The following KCNH5 variants were observed in gnomAD, a reference collection of about 807,000 sequenced individuals.
The protein encoded by KCNH5 is potassium voltage-gated channel subfamily H member 5.
Under a neutral mutation model 96.1 loss-of-function variants are expected in KCNH5, and 46 were observed. The observed-to-expected ratio is 0.48, with a 90% CI of 0.38 to 0.61. The LOEUF (loss-of-function observed/expected upper bound fraction) is 0.61. Ranked by LOEUF, KCNH5 falls within the 20% of genes least tolerant of loss-of-function variation. The pLI is 0.00. For synonymous variants in KCNH5, 439 were observed against 449.8 expected, an observed-to-expected ratio of 0.98 and a Z score of 0.30; for missense variants, 907 against 1,225.8, an observed-to-expected ratio of 0.74 and a Z score of 3.88.
intron 7 of KCNH5, among the ~76,000 whole-genome samples, chr14:62,865,454 T>C (rs1888116590): frequency 6.6e-6 from 1 of 150,618 alleles, no homozygotes; most frequent in South Asian, 2.1e-4. Flanking sequence ...AGGAAAGAAA[T>C]GAAGATAATC....
chr14:62,746,862 AG>A (rs1253781507), intron 10 of KCNH5, among the ~76,000 whole-genome samples: 1 of 152,252 alleles, frequency 6.6e-6, no homozygotes, highest in Non-Finnish European at 1.5e-5. Context: ...TTCCCCTATC[AG>A]TGGCCTCTCT....
rs1009134563 is a variant in KCNH5 at position 62,796,270 on chromosome 14, C to T, written c.1822+6059G>A. Among the ~76,000 whole-genome samples, 3 of 152,084 alleles carry T rather than the reference C, an allele frequency of 2.0e-5. No homozygotes were observed. The East Asian group carries it at 5.8e-4, about 29-fold the overall frequency. On this transcript the variant is annotated intron_variant, in intron 9 of 10. Transcript: ENST00000322893. ...CAAGTGATTTGCCCACCTCGGCCTC[C>T]CAAAGTGCTAGGATTACAGGCATGA...
chr14:62,892,252 G>A (rs1039102704), intron 7 of KCNH5, among the ~76,000 whole-genome samples: 7 of 152,136 alleles, frequency 4.6e-5, no homozygotes, highest in Non-Finnish European at 7.4e-5. Flanking sequence ...CAGCTTTATC[G>A]CTGCTATAAA....
chr14:63,021,972 T>C (rs1036581159), intron 1 of KCNH5, among the ~76,000 whole-genome samples: 1 of 152,172 alleles, frequency 6.6e-6, no homozygotes, highest in Non-Finnish European at 1.5e-5. Flanking sequence ...TTTACTCTTA[T>C]ATGCTTATCT....
chr14:62,756,781 C>T (rs1409805396), intron 10 of KCNH5, among the ~76,000 whole-genome samples: 3 of 152,176 alleles, frequency 2.0e-5, no homozygotes, highest in African/African-American at 4.8e-5. Flanking sequence ...CTATCTTTCA[C>T]CATATCTAAA....
chr14:62,920,175 G>A (rs557007277), intron 7 of KCNH5, among the ~76,000 whole-genome samples: 2 of 152,150 alleles, frequency 1.3e-5, no homozygotes, highest in African/African-American at 2.4e-5. Context: ...GGGGCAAATG[G>A]TACAGGGAAG....
At chr14:62,873,537 C>G (rs368410731) in intron 7 of KCNH5, among the ~76,000 whole-genome samples, 13 of 152,252 alleles carry the variant, frequency 8.5e-5, no homozygotes, top group African/African-American at 2.9e-4. Flanking sequence ...GTCCTACTGG[C>G]TAGATCACAG....
chr14:62,974,230 A>G (rs560726358), intron 6 of KCNH5, among the ~76,000 whole-genome samples: 1 of 152,270 alleles, frequency 6.6e-6, no homozygotes, highest in Non-Finnish European at 1.5e-5. Context: ...ATCACTTATT[A>G]AGACTACTCA....
intron 10 of KCNH5, among the ~76,000 whole-genome samples, chr14:62,723,519 A>G (rs1327231496): frequency 6.6e-6 from 1 of 152,198 alleles, no homozygotes; most frequent in Non-Finnish European, 1.5e-5. Context: ...AGAGAGTCAA[A>G]GTGATTAGCC....
chr14:62,929,122 A>G (rs1420789577), intron 7 of KCNH5, among the ~76,000 whole-genome samples: 3 of 151,980 alleles, frequency 2.0e-5, no homozygotes, highest in Non-Finnish European at 2.9e-5. Context: ...TGTTTTCCCC[A>G]AATTATTTCC....
chr14:62,990,817 C>G (rs1890795091), intron 4 of KCNH5, among the ~76,000 whole-genome samples: 1 of 152,012 alleles, frequency 6.6e-6, no homozygotes, highest in Non-Finnish European at 1.5e-5. Context: ...GCTGGAGAGG[C>G]CTTGGGAAAG....
chr14:62,829,895 T>C (rs1192729800), intron 8 of KCNH5, among the ~76,000 whole-genome samples: 1 of 152,338 alleles, frequency 6.6e-6, no homozygotes, highest in East Asian at 1.9e-4. Flanking sequence ...TCTGCTTCAC[T>C]TTTAAACATA....
intron 7 of KCNH5, among the ~76,000 whole-genome samples, chr14:62,894,823 C>T (rs575506855): frequency 9.8e-5 from 15 of 152,338 alleles, no homozygotes; most frequent in African/African-American, 3.6e-4. Context: ...ATTAAACTCA[C>T]CAAAGCTCAA....
At chr14:62,739,266 CT>C (rs938699179) in intron 10 of KCNH5, among the ~76,000 whole-genome samples, 1 of 152,046 alleles carries the variant, frequency 6.6e-6, no homozygotes, top group Non-Finnish European at 1.5e-5. Flanking sequence ...GAGTCACACA[CT>C]TTTTTGGAAT....
intron 8 of KCNH5, among the ~76,000 whole-genome samples, chr14:62,810,255 A>C (rs1382539831): frequency 6.6e-6 from 1 of 152,066 alleles, no homozygotes; most frequent in Admixed American, 6.6e-5. Context: ...TGAACACAAG[A>C]GACCCTAATA....
intron 7 of KCNH5, among the ~76,000 whole-genome samples, chr14:62,943,423 G>A (rs1287876881): frequency 6.6e-6 from 1 of 152,090 alleles, no homozygotes; most frequent in African/African-American, 2.4e-5. Context: ...AAATTAGTCA[G>A]TGTGCCTAAT....
chr14:63,015,601 T>C (rs1436675236), intron 2 of KCNH5, among the ~76,000 whole-genome samples: 2 of 151,948 alleles, frequency 1.3e-5, no homozygotes, highest in Non-Finnish European at 1.5e-5. Context: ...AATTGATTAA[T>C]TCACAGATAT....
chr14:62,973,829 T>C (rs1890453535), intron 6 of KCNH5, among the ~76,000 whole-genome samples: 1 of 152,154 alleles, frequency 6.6e-6, no homozygotes, highest in South Asian at 2.1e-4. Flanking sequence ...GCCAACTATA[T>C]TAAATAACAA....
chr14:62,784,735 A>G (rs1595621082), intron 9 of KCNH5, among the ~76,000 whole-genome samples: 2 of 152,324 alleles, frequency 1.3e-5, no homozygotes, highest in East Asian at 3.9e-4. Flanking sequence ...TAATTACAGA[A>G]GCATTCAAAT....
Sources: gnomAD v4.1 joint callset for allele counts (sites outside exome capture counted in the v4.1 genomes callset) on GRCh38, gnomAD v4.1.1 for gene constraint, MANE v1.5 for transcripts, NCBI Gene and HGNC (gene_info 2026-07-23, HGNC 2026-07-21) for gene names.